Variants in KIF1B observed in about 807,000 individuals in gnomAD.
KIF1B encodes the protein kinesin-like protein KIF1B.
A neutral mutation model predicts 241.9 loss-of-function variants in KIF1B; 76 were observed. The ratio of observed to expected loss-of-function variants is 0.31; its 90% CI spans 0.26 to 0.38. The LOEUF (loss-of-function observed/expected upper bound fraction) is 0.38, where lower values mean the gene tolerates loss of function less well. Ranked by LOEUF, KIF1B falls within the 10% of genes least tolerant of loss-of-function variation. The pLI, the probability that KIF1B is intolerant of heterozygous loss-of-function variation, is 1.00. For synonymous variants in KIF1B, 750 were observed against 796.7 expected (o/e 0.94, Z 0.99); for missense variants, 1,622 against 2,271.4 (o/e 0.71, Z 5.81).
chr1:10,339,669 G>T (rs1273409910), intron 31 of KIF1B, 100 bp from the exon 32 acceptor site: 21 of 954,206 alleles, frequency 2.2e-5, no homozygotes, highest in Non-Finnish European at 3.5e-5. Context: ...TGCTTAAGTG[G>T]AATGCTTCTT....
chr1:10,282,585 A>G (rs1195576655), intron 15 of KIF1B, 52 bp downstream of exon 15: 3 of 1,421,022 alleles, frequency 2.1e-6, no homozygotes, highest in Middle Eastern at 4.0e-4. Context: ...CTCCACAAGG[A>G]AGAACTAGGA....
chr1:10,249,985 ATTT>A (rs1033604041), intron 2 of KIF1B, among the ~76,000 whole-genome samples: 28 of 148,398 alleles, frequency 1.9e-4, no homozygotes, highest in Non-Finnish European at 3.5e-4. Flanking sequence ...GTTGCTTTTT[ATTT>A]TTTGTGGAGA....
Position 10,343,910 on chromosome 1 carries a change from C to G in KIF1B, c.3688+623C>G, listed in dbSNP as rs1280714052. On this transcript the variant is annotated intron_variant, in intron 34 of 48. Transcript: ENST00000676179. ...ATCTTTCTGCTTTGCATGTAACTTC[C>G]CATAACTGTCAGGGGACTAGGCATT... Among the ~76,000 whole-genome samples, 5 of 152,114 alleles carry G rather than the reference C, an allele frequency of 3.3e-5. No individual in the cohort carries two copies. The East Asian group carries it at 5.8e-4, about 18-fold the overall frequency.
chr1:10,336,786 A>T, intron 29 of KIF1B, 44 bp downstream of exon 29: 1 of 1,531,242 alleles, frequency 6.5e-7, no homozygotes, highest in South Asian at 1.1e-5. Flanking sequence ...GGAAAGAGAA[A>T]GAATGTTCAG....
intron 23 of KIF1B, 91 bp from the exon 24 acceptor site, chr1:10,321,618 T>C: frequency 7.2e-7 from 1 of 1,385,984 alleles, no homozygotes; most frequent in Non-Finnish European, 1.0e-6. Flanking sequence ...GGAAAACACC[T>C]CACCTTGGTA....
At chr1:10,231,378 C>CTTTTTTTT (rs35213507) in intron 1 of KIF1B, among the ~76,000 whole-genome samples, 108 of 85,720 alleles carry the variant, frequency 1.3e-3, no homozygotes, top group Non-Finnish European at 1.5e-3. Context: ...GTTCAGTGCC[C>CTTTTTTTT]TTTTTTTTTT....
rs956091177 is a variant in KIF1B, at chr1:10,257,560, C to T, written c.184-933C>T. On this transcript the variant is annotated intron_variant, in intron 3 of 48. Coordinates refer to ENST00000676179, the MANE Select transcript of KIF1B (RefSeq NM_001365951.3). ...ACGAAAATGCAGAGTAGGGCCCTTC[C>T]TGGTACCCTTACTCAGTGTGGAACC... 1.3e-5 allele frequency among the ~76,000 whole-genome samples: 2 copies of T among 152,066 alleles called. 1 individual carries two copies. The highest frequency in any genetic ancestry group is 4.8e-5 in the African/African-American group (2 of 41,412).
chr1:10,233,085 G>A (rs1285707191), intron 2 of KIF1B, among the ~76,000 whole-genome samples: 1 of 152,116 alleles, frequency 6.6e-6, no homozygotes, highest in Non-Finnish European at 1.5e-5. Context: ...CAGAAGAATC[G>A]TCACCCTTTC....
intron 1 of KIF1B, among the ~76,000 whole-genome samples, chr1:10,215,233 A>G (rs1241380747): frequency 2.4e-5 from 3 of 126,696 alleles, no homozygotes; most frequent in Non-Finnish European, 3.2e-5. Context: ...CTGGAGTGCA[A>G]CGGCGCGATC....
At chr1:10,226,633 T>G (rs1257472039) in intron 1 of KIF1B, among the ~76,000 whole-genome samples, 2 of 152,296 alleles carry the variant, frequency 1.3e-5, no homozygotes, top group East Asian at 3.9e-4. Context: ...CTTAATATCA[T>G]CTAATACCCA....
At chr1:10,302,887 A>C (rs1203752199) in intron 22 of KIF1B, among the ~76,000 whole-genome samples, 1 of 152,162 alleles carries the variant, frequency 6.6e-6, no homozygotes, top group Non-Finnish European at 1.5e-5. Context: ...TTTGGTGGCA[A>C]ATTTCATCAC....
At chr1:10,229,217 A>G (rs1046763371) in intron 1 of KIF1B, among the ~76,000 whole-genome samples, 4 of 152,220 alleles carry the variant, frequency 2.6e-5, no homozygotes, top group Non-Finnish European at 5.9e-5. Context: ...ATATTTAAAT[A>G]AAGAACCATC....
Position 10,324,749 on chromosome 1 carries a change from A to G in KIF1B, c.2538-9A>G, listed in dbSNP as rs1651661996. On this transcript the variant is annotated splice_polypyrimidine_tract_variant and intron_variant, in intron 25 of 48. Transcript: ENST00000676179. ...TATTAACCCAATGTGCTTTGTGTTT[A>G]CTAAATAGGCAGAGGCTGGATTTGA... 1 of 1,613,560 alleles carries G rather than the reference A, an allele frequency of 6.2e-7. No individual in the cohort carries two copies.
chr1:10,334,485 T>C (rs1334166949), intron 27 of KIF1B, 35 bp from the exon 28 acceptor site: 3 of 1,448,260 alleles, frequency 2.1e-6, no homozygotes, highest in Non-Finnish European at 2.9e-6. Flanking sequence ...TCTCCATGGA[T>C]GTTCTGACAT....
chr1:10,242,971 A>G lies in KIF1B; in HGVS notation c.106+10537A>G, dbSNP rs558612018. On this transcript the variant is annotated intron_variant, in intron 2 of 48. Coordinates refer to ENST00000676179, the MANE Select transcript of KIF1B (RefSeq NM_001365951.3). ...GAAGCCCTTTTGGTTTTGGCTTACCAGAAAACTGTGGGGCCGGAAGTATCA... is the reference window on the plus strand; with the variant it reads ...GAAGCCCTTTTGGTTTTGGCTTACCGGAAAACTGTGGGGCCGGAAGTATCA... Among the ~76,000 whole-genome samples the G allele has an allele frequency of 2.0e-5, 3 of 152,338 alleles. No homozygotes were observed. The East Asian group carries it at 5.8e-4, about 29-fold the overall frequency.
chr1:10,354,627 G>A (rs1312051677), intron 38 of KIF1B, among the ~76,000 whole-genome samples: 1 of 152,008 alleles, frequency 6.6e-6, no homozygotes, highest in Admixed American at 6.6e-5. Flanking sequence ...TCATTGATTT[G>A]CCTAATGTTT....
chr1:10,305,430 A>G (rs1557702863), intron 22 of KIF1B: 8 of 1,057,068 alleles, frequency 7.6e-6, no homozygotes, highest in South Asian at 9.1e-5. Flanking sequence ...CACAAAGTGA[A>G]CTATTCACCA....
rs1276765412 is a variant in KIF1B at position 10,348,629 on chromosome 1, A to C, written c.3865-20A>C. On this transcript the variant is annotated intron_variant, in intron 36 of 48. Transcript: ENST00000676179. ...TAATAGATTGCTTCAGCTAAATTGCAACCCTGCTTCATTACCTAGGGCATC... is the reference window on the plus strand; with the variant it reads ...TAATAGATTGCTTCAGCTAAATTGCCACCCTGCTTCATTACCTAGGGCATC... The C allele has an allele frequency of 3.7e-6, 6 of 1,604,940 alleles. No individual in the cohort carries two copies. The highest frequency in any genetic ancestry group is 1.3e-5 in the African/African-American group (1 of 74,750).
At position 10,336,678 on chromosome 1, in the gene KIF1B, A is replaced by C; in HGVS notation, c.3065A>C (p.Tyr1022Ser). 1 of 1,613,980 alleles carries C rather than the reference A, an allele frequency of 6.2e-7. No homozygotes were observed. The highest frequency in any genetic ancestry group is 8.5e-7 in the Non-Finnish European group (1 of 1,179,934). ...AIAADEEAPD[Y>S]GSGIRQSGTA... ...TTAGCGGATGAAGAAGCTCCTGATTATGGCTCTGGAATTCGACAGTCAGGA... is the reference window on the plus strand; with the variant it reads ...TTAGCGGATGAAGAAGCTCCTGATTCTGGCTCTGGAATTCGACAGTCAGGA... Residue 1022 changes from tyrosine to serine, a missense_variant, in exon 29 of 49, where the codon TAT (tyrosine) becomes TCT (serine). By Grantham distance (144) the Tyr-to-Ser change is moderately radical. This residue lies in a region of KIF1B where 803 missense variants were observed against 1,112.0 expected (regional missense o/e 0.72). Coordinates refer to ENST00000676179, the MANE Select transcript of KIF1B (RefSeq NM_001365951.3).
Sources: gnomAD v4.1 joint callset for allele counts (sites outside exome capture counted in the v4.1 genomes callset) on GRCh38, gnomAD v4.1.1 for gene constraint, gnomAD v4.1.1 regional missense constraint, MANE v1.5 for transcripts, NCBI Gene and HGNC (gene_info 2026-07-23, HGNC 2026-07-21) for gene names.